The following HTR2C variants were observed in gnomAD, a reference collection of about 807,000 sequenced individuals.
HTR2C encodes the protein 5-hydroxytryptamine receptor 2C.
A neutral mutation model predicts 21.0 loss-of-function variants in HTR2C; 5 were observed. The observed-to-expected ratio is 0.24, with a 90% CI of 0.12 to 0.50. The LOEUF is 0.50. HTR2C is among the 20% of genes least tolerant of loss of function. HTR2C has a pLI of 0.98. For synonymous variants in HTR2C, 150 were observed against 145.3 expected (o/e 1.03, Z -0.23); for missense variants, 271 against 371.2 (o/e 0.73, Z 2.22).
rs942398034 is a variant in HTR2C, at chrX:114,906,606, C to T, written c.568C>T (p.Pro190Ser). The T allele has an allele frequency of 1.7e-6, 2 of 1,201,934 alleles. No individual in the cohort carries two copies. Among genetic ancestry groups the T allele is most frequent in the Non-Finnish European group, 1.1e-6 (1 of 889,442 alleles). ...AISIGVSVPI[P>S]VIGLRDEEKV... The stretch of plus-strand genomic sequence containing the variant: ...TCCTTTAGGTGTATCAGTTCCTATC[C>T]CTGTGATTGGACTGAGGGACGAAGA... Residue 190 changes from proline to serine, a missense_variant, in exon 6 of 6, where the codon CCT (proline) becomes TCT (serine). Transcript: ENST00000276198.
At chrX:114,809,751 C>T (rs1188464807) in intron 4 of HTR2C, among the ~76,000 whole-genome samples, 1 of 111,268 alleles carries the variant, frequency 9.0e-6, no homozygotes, top group Non-Finnish European at 1.9e-5. Context: ...CAAGAGCCCA[C>T]TTGGTGCTCT....
In HTR2C at chrX:114,853,337, T is replaced by C. The variant is rs781910656; in HGVS notation, c.550+5134T>C. 6.4e-4 allele frequency among the ~76,000 whole-genome samples: 72 copies of C among 111,809 alleles called. 1 individual carries two copies. Among genetic ancestry groups the C allele is most frequent in the Non-Finnish European group, 1.9e-4 (10 of 53,165 alleles). On this transcript the variant is annotated intron_variant, in intron 5 of 5. Transcript: ENST00000276198. ...TTTTCTGTTTGCTATTTGATATAGC[T>C]ATGGTATTTTGCCATACAAAATTAT...
rs781922064 is a variant in HTR2C, at chrX:114,652,612, A to G, written c.-80+38731A>G. 34 of 360,330 alleles carry G rather than the reference A, an allele frequency of 9.4e-5. No homozygotes were observed. The Middle Eastern group carries it at 2.9e-3, about 31-fold the overall frequency. 29.7% of individuals were successfully genotyped at this position (360,330 alleles called of 1,213,427 possible). ...CTAATAGTTTTAAAGAAAATATCAT[A>G]ACATATTCAACACATTGTGTTTCTC... On this transcript the variant is annotated intron_variant, in intron 2 of 5. Transcript: ENST00000276198.
At chrX:114,852,116 C>G (rs1211537847) in intron 5 of HTR2C, among the ~76,000 whole-genome samples, 2 of 110,841 alleles carry the variant, frequency 1.8e-5, no homozygotes, top group Non-Finnish European at 3.8e-5. Context: ...GCAATTTTAT[C>G]TTTAGAATGT....
intron 4 of HTR2C, among the ~76,000 whole-genome samples, chrX:114,821,319 G>A (rs781976738): frequency 2.7e-5 from 3 of 111,323 alleles, no homozygotes; most frequent in South Asian, 3.8e-4. Flanking sequence ...TACTTTGAGC[G>A]GTCTAAAAGC....
chrX:114,766,062 G>T (rs2147385169), intron 4 of HTR2C, among the ~76,000 whole-genome samples: 1 of 111,761 alleles, frequency 8.9e-6, no homozygotes, highest in Admixed American at 9.5e-5. Context: ...TAAAAGCTCT[G>T]TCTTTCAAAG....
intron 4 of HTR2C, among the ~76,000 whole-genome samples, chrX:114,805,580 TATATACACC>T (rs2070396641): frequency 1.0e-5 from 1 of 95,693 alleles, no homozygotes; most frequent in Non-Finnish European, 2.1e-5. Flanking sequence ...ACACACCATA[TATATACACC>T]ATATATATAC....
At chrX:114,890,252 A>G (rs1374082775) in intron 5 of HTR2C, among the ~76,000 whole-genome samples, 2 of 112,076 alleles carry the variant, frequency 1.8e-5, no homozygotes, top group Non-Finnish European at 3.8e-5. Flanking sequence ...GAAATATAGG[A>G]ACTTTGAAAA....
rs1367750147 is a variant in HTR2C, at chrX:114,687,995, G to A, written c.-79-38863G>A. On this transcript the variant is annotated intron_variant, in intron 2 of 5. Coordinates refer to ENST00000276198, the MANE Select transcript of HTR2C (RefSeq NM_000868.4). ...ATTTCCATTTGCTTCATAAAGCATG[G>A]CACTTTTTTAAAGACAAAAAACAAA... Among the ~76,000 whole-genome samples the A allele has an allele frequency of 4.5e-5, 5 of 111,377 alleles. No individual in the cohort carries two copies. The East Asian group carries it at 1.4e-3, about 31-fold the overall frequency.
At chrX:114,821,253 C>T (rs1482697203) in intron 4 of HTR2C, among the ~76,000 whole-genome samples, 1 of 110,433 alleles carries the variant, frequency 9.1e-6, no homozygotes, top group East Asian at 2.9e-4. Flanking sequence ...TCACAAACAG[C>T]AGTTAGTAAG....
chrX:114,605,256 AGCCGGACCAGGTGTGAGGAGG>A (rs1199002961), intron 1 of HTR2C, among the ~76,000 whole-genome samples: 1 of 112,284 alleles, frequency 8.9e-6, no homozygotes, highest in Non-Finnish European at 1.9e-5. Context: ...CGAAACTGTA[AGCCGGACCAGGTGTGAGGAGG>A]GGAGGTGATA....
At chrX:114,752,235 C>G (rs995866426) in intron 4 of HTR2C, among the ~76,000 whole-genome samples, 2 of 111,754 alleles carry the variant, frequency 1.8e-5, no homozygotes, top group Non-Finnish European at 3.8e-5. Context: ...TTAGACAGCA[C>G]ATGTTTATTT....
At chrX:114,766,063 T>A (rs1218112538) in intron 4 of HTR2C, among the ~76,000 whole-genome samples, 1 of 111,830 alleles carries the variant, frequency 8.9e-6, no homozygotes, top group African/African-American at 3.2e-5. Context: ...AAAAGCTCTG[T>A]CTTTCAAAGA....
chrX:114,744,268 A>G (rs1333855914), intron 4 of HTR2C, among the ~76,000 whole-genome samples: 3 of 109,056 alleles, frequency 2.8e-5, no homozygotes, highest in Non-Finnish European at 5.7e-5. Context: ...GGCATTAATT[A>G]CTTATTTTAG....
chrX:114,595,366 T>A (rs1476548923), intron 1 of HTR2C, among the ~76,000 whole-genome samples: 1 of 89,116 alleles, frequency 1.1e-5, no homozygotes, highest in Non-Finnish European at 2.2e-5. Flanking sequence ...TGTAGGTGTG[T>A]GTCACCGTGC....
chrX:114,857,895 C>A (rs985544403), intron 5 of HTR2C, among the ~76,000 whole-genome samples: 1 of 110,877 alleles, frequency 9.0e-6, no homozygotes, highest in East Asian at 2.8e-4. Flanking sequence ...ACGTCTGATG[C>A]GAGCTAGAGA....
At chrX:114,795,497 G>T (rs1406225208) in intron 4 of HTR2C, among the ~76,000 whole-genome samples, 3 of 111,446 alleles carry the variant, frequency 2.7e-5, no homozygotes, top group Non-Finnish European at 5.7e-5. Flanking sequence ...TATGGTTTTA[G>T]GTCTAACATT....
At chrX:114,748,245 A>G (rs1414645674) in intron 4 of HTR2C, among the ~76,000 whole-genome samples, 3 of 111,946 alleles carry the variant, frequency 2.7e-5, no homozygotes, top group Non-Finnish European at 5.6e-5. Context: ...ACTTCAAAAT[A>G]CTGATGAAAT....
intron 4 of HTR2C, among the ~76,000 whole-genome samples, chrX:114,757,412 A>C (rs918877246): frequency 8.9e-5 from 10 of 111,910 alleles, no homozygotes; most frequent in Non-Finnish European, 1.7e-4. Flanking sequence ...CATAATCTTC[A>C]AAAACATAAT....
Sources: allele counts gnomAD v4.1 joint callset (sites outside exome capture counted in the v4.1 genomes callset), GRCh38; gene constraint gnomAD v4.1.1; transcripts MANE v1.5; gene names NCBI Gene and HGNC (gene_info 2026-07-23, HGNC 2026-07-21).